TPCN1: variants seen among roughly 807,000 people sequenced by gnomAD.
TPCN1 encodes the protein two pore segment channel 1.
In TPCN1, 52 loss-of-function variants were observed where a neutral mutation model predicts 108.8. The ratio of observed to expected loss-of-function variants is 0.48; its 90% CI spans 0.38 to 0.60. The LOEUF is 0.60. Ranked by LOEUF, TPCN1 falls within the 20% of genes least tolerant of loss-of-function variation. TPCN1 has a pLI of 0.00. For synonymous variants in TPCN1, 446 were observed against 433.7 expected (o/e 1.03, Z -0.35); for missense variants, 806 against 1,072.8 (o/e 0.75, Z 3.47).
chr12:113,244,440 T>C, intron 2 of TPCN1: 1 of 985,472 alleles, frequency 1.0e-6, no homozygotes, highest in Non-Finnish European at 1.2e-6. Flanking sequence ...CCACCTTCCA[T>C]ACCATCTTGC....
rs1449362615 is a variant in TPCN1 at position 113,272,676 on chromosome 12, C to T, written c.767C>T (p.Pro256Leu). The change falls in exon 8 of 28, where the codon CCT (proline) becomes CTT (leucine). Residue 256 changes from proline (P) to leucine (L), a missense_variant. Coordinates refer to ENST00000335509, the MANE Select transcript of TPCN1 (RefSeq NM_017901.6). The surrounding 1 kb of genome is among the most constrained non-coding windows in gnomAD (Gnocchi z 4.1). ...FAILGFYLFS[P>L]NPSDPYFSTL... ...CTTCTAGGTTTCTACTTGTTCTCCC[C>T]TAACCCTTCAGACCCCGTAAGTAAT... 5.6e-6 allele frequency: 9 copies of T among 1,613,902 alleles called. No homozygotes were observed. The highest frequency in any genetic ancestry group is 6.8e-6 in the Non-Finnish European group (8 of 1,179,860).
chr12:113,251,404 T>C (rs1954627784), intron 2 of TPCN1, among the ~76,000 whole-genome samples: 1 of 152,190 alleles, frequency 6.6e-6, no homozygotes, highest in Non-Finnish European at 1.5e-5. Context: ...TCTGTGCCGG[T>C]CCCTCATTTC....
intron 3 of TPCN1, among the ~76,000 whole-genome samples, chr12:113,260,697 CCT>C (rs2136577637): frequency 6.6e-6 from 1 of 152,288 alleles, no homozygotes; most frequent in Non-Finnish European, 1.5e-5. Context: ...TCTTCAGACC[CCT>C]GTTTAGGGCT....
At chr12:113,279,721 C>T (rs1310650640) in intron 14 of TPCN1, among the ~76,000 whole-genome samples, 1 of 152,018 alleles carries the variant, frequency 6.6e-6, no homozygotes, top group Non-Finnish European at 1.5e-5. Context: ...TATATTTTTG[C>T]CCTCCTCTTA....
At chr12:113,244,734 C>T (rs1420876589) in intron 2 of TPCN1, 7 of 985,228 alleles carry the variant, frequency 7.1e-6, no homozygotes, top group African/African-American at 5.2e-5. Context: ...CGGAGGGCTC[C>T]GAGTGCTTTG....
Position 113,278,933 on chromosome 12 carries a change from T to G in TPCN1, c.1297+98T>G, listed in dbSNP as rs186517161. On this transcript the variant is annotated intron_variant, in intron 14 of 27. Transcript: ENST00000335509. ...GTCTGAGGAGAGGTTCAGAGGGGTG[T>G]GTGTGTGTGTGTGTTTGTCTGAATG... is the stretch of plus-strand genomic sequence containing the variant. 5,651 of 971,942 alleles carry G rather than the reference T, an allele frequency of 5.8e-3. 168 individuals are homozygous for G. In the African/African-American group the frequency reaches 0.076, roughly 13 times the overall value. The allele number at this position is 971,942 out of a possible 1,614,324, so 60.2% of individuals were successfully genotyped here.
At chr12:113,292,896 C>T in intron 25 of TPCN1, 38 bp from the exon 26 acceptor site, 1 of 1,597,668 alleles carries the variant, frequency 6.3e-7, no homozygotes, top group Non-Finnish European at 8.5e-7. Context: ...GCAGCTGCAG[C>T]CCCGGGCCCT....
rs185881172 is a variant in TPCN1 at position 113,246,039 on chromosome 12, G to A, written c.113-14329G>A. 913 of 456,124 alleles carry A rather than the reference G, an allele frequency of 2.0e-3. 14 individuals are homozygous for A. Among genetic ancestry groups the A allele is most frequent in the Admixed American group, 0.019 (822 of 42,570 alleles). 28.3% of individuals were successfully genotyped at this position (456,124 alleles called of 1,614,324 possible). On this transcript the variant is annotated intron_variant, in intron 2 of 27. Coordinates refer to ENST00000335509, the MANE Select transcript of TPCN1 (RefSeq NM_017901.6). The stretch of plus-strand genomic sequence containing the variant: ...CTGGGCCCTGTGACATCAGCATGTG[G>A]GAGTGTTACCGTGTGTGCAAACAGG...
intron 12 of TPCN1, 149 bp from the exon 13 acceptor site, chr12:113,278,040 C>T (rs1053509833): frequency 5.9e-5 from 37 of 622,642 alleles, no homozygotes; most frequent in Admixed American, 5.1e-5. Flanking sequence ...GTAAAGGATC[C>T]CCCAGCACTG....
At position 113,288,095 on chromosome 12, in the gene TPCN1, C is replaced by G. The variant is rs1182549351; in HGVS notation, c.1635-68C>G. 4 of 1,474,452 alleles carry G rather than the reference C, an allele frequency of 2.7e-6. No homozygotes were observed. The East Asian group carries it at 6.9e-5, about 25-fold the overall frequency. 91.3% of individuals were successfully genotyped at this position (1,474,452 alleles called of 1,614,324 possible). A position where few individuals can be genotyped will look rare whatever the true frequency, so the allele number is the denominator to read the frequency against. ...CATGGCGTGTGGAAGGCGGGGCCGG[C>G]ATGTTCTGAGGGCGGGGGCTGAGGC... On this transcript the variant is annotated intron_variant, in intron 19 of 27. Coordinates refer to ENST00000335509, the MANE Select transcript of TPCN1 (RefSeq NM_017901.6). This position sits in a 1 kb window ranked among gnomAD's most constrained non-coding sequence, Gnocchi z 4.8.
chr12:113,270,908 G>A (rs1278668871), intron 7 of TPCN1, among the ~76,000 whole-genome samples: 9 of 152,174 alleles, frequency 5.9e-5, no homozygotes, highest in Admixed American at 5.9e-4. Context: ...ATAGGGATTA[G>A]GGGCAGGGGA....
At chr12:113,283,384 C>T (rs772428969) in intron 15 of TPCN1, among the ~76,000 whole-genome samples, 8 of 152,052 alleles carry the variant, frequency 5.3e-5, no homozygotes, top group South Asian at 2.1e-4. Flanking sequence ...CCTGTAATTC[C>T]GGCACTTTGG....
chr12:113,245,205 G>T (rs541663583), intron 2 of TPCN1, among the ~76,000 whole-genome samples: 1 of 151,592 alleles, frequency 6.6e-6, no homozygotes, highest in Non-Finnish European at 1.5e-5. Flanking sequence ...GGAGATAAAG[G>T]CTGCAGTGAG....
chr12:113,277,404 A>G, intron 12 of TPCN1, 40 bp downstream of exon 12: 2 of 1,613,114 alleles, frequency 1.2e-6, no homozygotes, highest in Non-Finnish European at 1.7e-6. Context: ...TGGCCAGACA[A>G]GGTGTTCACG....
intron 2 of TPCN1, among the ~76,000 whole-genome samples, chr12:113,257,714 T>TTC (rs1221554043): frequency 6.6e-6 from 1 of 152,210 alleles, no homozygotes; most frequent in Non-Finnish European, 1.5e-5. Flanking sequence ...CCTGAATGAA[T>TTC]GTTCATAGCA....
intron 17 of TPCN1, 22 bp from the exon 18 acceptor site, chr12:113,285,867 G>A (rs770502622): frequency 2.2e-5 from 35 of 1,610,934 alleles, no homozygotes; most frequent in East Asian, 6.7e-5. Context: ...GGCTGCTGCC[G>A]ATGGATTCCT....
intron 2 of TPCN1, among the ~76,000 whole-genome samples, chr12:113,237,467 G>A (rs952365891): frequency 2.6e-5 from 4 of 151,926 alleles, no homozygotes; most frequent in Admixed American, 2.0e-4. Context: ...AGCAATTCTA[G>A]TGCCCCAGCC....
At position 113,293,065 on chromosome 12, in the gene TPCN1, A is replaced by G. The variant is rs761205294; in HGVS notation, c.2245A>G (p.Arg749Gly). The change falls in exon 26 of 28, where the codon AGA becomes GGA. Residue 749 changes from arginine (R) to glycine (G), a missense_variant. Coordinates refer to ENST00000335509, the MANE Select transcript of TPCN1 (RefSeq NM_017901.6). ...RLLETLSQME[R>G]YQQHSMVFLG... ...GCTGGAGACCCTCTCCCAGATGGAGAGATACCAGGTGAGGAGCCCAGGCCC... is the reference window on the plus strand; with the variant it reads ...GCTGGAGACCCTCTCCCAGATGGAGGGATACCAGGTGAGGAGCCCAGGCCC... 5.2e-5 allele frequency: 84 copies of G among 1,611,602 alleles called. No individual in the cohort carries two copies. Among genetic ancestry groups the G allele is most frequent in the Non-Finnish European group, 6.9e-5 (81 of 1,179,150 alleles).
chr12:113,260,438 C>T lies in TPCN1; in HGVS notation c.183C>T (p.Ser61=). The T allele has an allele frequency of 1.3e-6, 2 of 1,558,244 alleles. No individual in the cohort carries two copies. The highest frequency in any genetic ancestry group is 1.7e-6 in the Non-Finnish European group (2 of 1,156,512). ...GCTCTGGGGGTGAGAGTTCCCCCTC[C>T]AGCCCCGCACACAACTGGGAGATGA... ...SLSSGGESSP[S]SPAHNWEMNY... is the part of the protein sequence containing the mutation. Residue 61 remains serine (S), a synonymous_variant, in exon 3 of 28, where the codon TCC becomes TCT. Coordinates refer to ENST00000335509, the MANE Select transcript of TPCN1 (RefSeq NM_017901.6).
Sources: allele counts gnomAD v4.1 joint callset (sites outside exome capture counted in the v4.1 genomes callset), GRCh38; gene constraint gnomAD v4.1.1; non-coding constraint Gnocchi (gnomAD v3.1); transcripts MANE v1.5; gene names NCBI Gene and HGNC (gene_info 2026-07-23, HGNC 2026-07-21).